APBB2: variants seen among roughly 807,000 people sequenced by gnomAD.
The protein encoded by APBB2 is amyloid beta precursor protein binding family B member 2, also known as Fe65-like 1.
Under a neutral mutation model 82.5 loss-of-function variants are expected in APBB2, and 38 were observed. The observed-to-expected ratio is 0.46, with a 90% confidence interval of 0.36 to 0.60. APBB2 has a LOEUF of 0.60. Among genes scored for constraint, APBB2 ranks in the 20% least tolerant of loss-of-function variants. APBB2 has a pLI of 0.00. For synonymous variants in APBB2, 341 were observed against 368.2 expected (o/e 0.93, Z 0.85); for missense variants, 772 against 972.3 (o/e 0.79, Z 2.74).
At chr4:40,957,425 G>GT (rs1791930283) in intron 6 of APBB2, among the ~76,000 whole-genome samples, 2 of 149,022 alleles carry the variant, frequency 1.3e-5, no homozygotes, top group South Asian at 4.2e-4. Flanking sequence ...GAACACACTT[G>GT]TTTGAGTACA....
intron 1 of APBB2, among the ~76,000 whole-genome samples, chr4:41,175,884 AC>A (rs1769635702): frequency 6.6e-6 from 1 of 152,222 alleles, no homozygotes; most frequent in African/African-American, 2.4e-5. Context: ...TAAAGTTCTT[AC>A]TTTAAAGCAA....
intron 6 of APBB2, among the ~76,000 whole-genome samples, chr4:40,983,299 C>T (rs1294874863): frequency 6.6e-6 from 1 of 152,204 alleles, no homozygotes; most frequent in African/African-American, 2.4e-5. Context: ...TCAGAACAGA[C>T]ACCAGAGCAA....
intron 12 of APBB2, among the ~76,000 whole-genome samples, chr4:40,854,594 C>T (rs1324203673): frequency 1.3e-5 from 2 of 152,038 alleles, no homozygotes; most frequent in Admixed American, 6.5e-5. Flanking sequence ...TAAGACCAGC[C>T]TGGCCAACAT....
At chr4:40,822,872 G>A (rs1411746128) in intron 16 of APBB2, among the ~76,000 whole-genome samples, 1 of 152,208 alleles carries the variant, frequency 6.6e-6, no homozygotes, top group Non-Finnish European at 1.5e-5. Flanking sequence ...TAGGCAGAGG[G>A]TGGAGCATGG....
intron 6 of APBB2, among the ~76,000 whole-genome samples, chr4:40,983,239 G>C (rs1428228547): frequency 1.3e-5 from 2 of 152,204 alleles, no homozygotes; most frequent in East Asian, 3.8e-4. Flanking sequence ...AGCCCAGGCA[G>C]TCTTGCTCCA....
chr4:41,162,529 T>C (rs560164995), intron 1 of APBB2, among the ~76,000 whole-genome samples: 1 of 152,242 alleles, frequency 6.6e-6, no homozygotes, highest in South Asian at 2.1e-4. Flanking sequence ...ACCCTCTACA[T>C]AGACACACAT....
intron 1 of APBB2, among the ~76,000 whole-genome samples, chr4:41,202,226 C>G (rs575932547): frequency 6.6e-6 from 1 of 152,336 alleles, no homozygotes; most frequent in South Asian, 2.1e-4. Flanking sequence ...CTCCATTCCT[C>G]CCTCCCCGCA....
chr4:40,848,780 G>A lies in APBB2; in HGVS notation c.1530-18203C>T, dbSNP rs552733369. On this transcript the variant is annotated intron_variant, in intron 12 of 17. Transcript: ENST00000508593. ...GTTTTGCTCCGAAACATACAAGCCC[G>A]CCCCTGCCTGGGCTTGCTGATCGGC... The A allele has an allele frequency of 6.2e-4, 534 of 864,236 alleles. 1 individual carries two copies. In the African/African-American group the frequency reaches 9.9e-3, roughly 16 times the overall value. The allele number at this position is 864,236 out of a possible 1,614,324, so 53.5% of individuals were successfully genotyped here.
chr4:40,865,980 C>T (rs946351754), intron 12 of APBB2, among the ~76,000 whole-genome samples: 1 of 152,218 alleles, frequency 6.6e-6, no homozygotes, highest in African/African-American at 2.4e-5. Context: ...GGATGCGGAG[C>T]AACTGAACTT....
At chr4:40,975,074 C>A (rs1455476452) in intron 6 of APBB2, among the ~76,000 whole-genome samples, 1 of 152,190 alleles carries the variant, frequency 6.6e-6, no homozygotes, top group Non-Finnish European at 1.5e-5. Context: ...CTGGGTCCCT[C>A]TCCTTCCTCC....
intron 12 of APBB2, among the ~76,000 whole-genome samples, chr4:40,851,738 A>ATATATATATATATATTT (rs1192919460): frequency 3.5e-4 from 24 of 67,716 alleles, no homozygotes; most frequent in African/African-American, 7.9e-4. Flanking sequence ...ATATATATAT[A>ATATATATATATATATTT]TTTTTTTTTT....
intron 1 of APBB2, among the ~76,000 whole-genome samples, chr4:41,163,886 T>C (rs1765815024): frequency 6.6e-6 from 1 of 152,206 alleles, no homozygotes; most frequent in African/African-American, 2.4e-5. Flanking sequence ...TCAAATAACA[T>C]ACTTCTACAG....
chr4:41,020,747 T>TCAGA (rs78461441), intron 5 of APBB2, among the ~76,000 whole-genome samples: 6,972 of 152,294 alleles, frequency 0.046, 341 homozygotes, highest in African/African-American at 0.12. Context: ...AAAGGATTTC[T>TCAGA]CAGTTTGCAA....
chr4:41,024,049 C>T (rs1712903225), intron 5 of APBB2, among the ~76,000 whole-genome samples: 3 of 152,196 alleles, frequency 2.0e-5, no homozygotes, highest in Non-Finnish European at 2.9e-5. Context: ...ACCATCTTAT[C>T]TTCAACAAAG....
intron 12 of APBB2, among the ~76,000 whole-genome samples, chr4:40,855,328 G>C (rs1179734894): frequency 6.6e-6 from 1 of 152,180 alleles, no homozygotes; most frequent in African/African-American, 2.4e-5. Flanking sequence ...CCAGCACATG[G>C]CAAGTGTCCA....
intron 4 of APBB2, among the ~76,000 whole-genome samples, chr4:41,049,161 C>T (rs1234860661): frequency 2.6e-5 from 4 of 151,098 alleles, no homozygotes; most frequent in African/African-American, 9.7e-5. Flanking sequence ...GCCCGGCCGC[C>T]CATCGTCTGA....
At chr4:41,000,059 ATATGTGTGTATGTG>A (rs1257652629) in intron 6 of APBB2, among the ~76,000 whole-genome samples, 1,007 of 92,964 alleles carry the variant, frequency 0.011, 20 homozygotes, top group Non-Finnish European at 0.016. Flanking sequence ...ATATGTATAT[ATATGTGTGTATGTG>A]TGTGTGTGTG....
chr4:41,006,038 A>C (rs1305048479), intron 6 of APBB2, among the ~76,000 whole-genome samples: 2 of 152,208 alleles, frequency 1.3e-5, no homozygotes, highest in African/African-American at 2.4e-5. Flanking sequence ...ATCTCATTGT[A>C]ATCACCTTTC....
intron 12 of APBB2, among the ~76,000 whole-genome samples, chr4:40,852,586 A>G (rs1759827293): frequency 1.3e-5 from 2 of 152,134 alleles, no homozygotes; most frequent in Admixed American, 1.3e-4. Flanking sequence ...ACAAGATTGC[A>G]CTGGATGGAT....
Sources: allele counts gnomAD v4.1 joint callset (sites outside exome capture counted in the v4.1 genomes callset), GRCh38; gene constraint gnomAD v4.1.1; transcripts MANE v1.5; gene names NCBI Gene and HGNC (gene_info 2026-07-23, HGNC 2026-07-21).